The following RINL variants were observed in gnomAD, a reference collection of about 807,000 sequenced individuals.
RINL encodes Ras and Rab interactor like.
A neutral mutation model predicts 58.1 loss-of-function variants in RINL; 39 were observed. That is an observed-to-expected ratio of 0.67 (90% CI 0.52 to 0.88). The LOEUF is 0.88. RINL is among the 40% of genes least tolerant of loss of function. The probability of loss-of-function intolerance (pLI) is 0.00; values close to 1 mark genes in which losing one functional copy is unlikely to be tolerated. For synonymous variants in RINL, 286 were observed against 323.1 expected, an observed-to-expected ratio of 0.89 and a Z score of 1.23; for missense variants, 711 against 749.2, an observed-to-expected ratio of 0.95 and a Z score of 0.60.
rs1371795363 is a variant in RINL, at chr19:38,869,042, C to T, written c.*62G>A. 3 of 1,447,994 alleles carry T rather than the reference C, an allele frequency of 2.1e-6. No individual in the cohort carries two copies. The highest frequency in any genetic ancestry group is 1.3e-5 in the South Asian group (1 of 75,376). The allele number at this position is 1,447,994 out of a possible 1,614,324, so 89.7% of individuals were successfully genotyped here. ...TCTCAAACTCCTGGGCTCAAGCAATCCTCCCACCTTGGCCTCCCAAAATGT... is the reference window on the plus strand; with the variant it reads ...TCTCAAACTCCTGGGCTCAAGCAATTCTCCCACCTTGGCCTCCCAAAATGT... On this transcript the variant is annotated 3_prime_UTR_variant, in exon 12 of 12. Transcript: ENST00000591812. This position sits in a 1 kb window ranked among gnomAD's most constrained non-coding sequence, Gnocchi z 5.7.
chr19:38,875,403 C>T (rs376959419), intron 3 of RINL, among the ~76,000 whole-genome samples: 29 of 151,380 alleles, frequency 1.9e-4, no homozygotes, highest in Admixed American at 9.2e-4. Flanking sequence ...TGGCCGGGGA[C>T]GGTGGTTCAC....
At position 38,870,132 on chromosome 19, in the gene RINL, C is replaced by T; in HGVS notation, c.1153G>A (p.Ala385Thr). 1 of 1,416,090 alleles carries T rather than the reference C, an allele frequency of 7.1e-7. No homozygotes were observed. The highest frequency in any genetic ancestry group is 9.1e-7 in the Non-Finnish European group (1 of 1,095,450). The allele number at this position is 1,416,090 out of a possible 1,614,324, so 87.7% of individuals were successfully genotyped here. Reference sequence around the variant, plus strand: ...TGTGCCCCCGGAGGCCCCGCCCCCGCCCGCAGGGCTGTCTGTCGCCGCCGC... The same window carrying T: ...TGTGCCCCCGGAGGCCCCGCCCCCGTCCGCAGGGCTGTCTGTCGCCGCCGC... Reference protein sequence around the residue: ...RLRRRQTALRAGAGPPGAQGP... With the variant: ...RLRRRQTALRTGAGPPGAQGP... Residue 385 changes from alanine to threonine, a missense_variant, in exon 9 of 12, where the codon GCG becomes ACG. By Grantham distance (58) the Ala-to-Thr change is moderately conservative (BLOSUM62 0). Coordinates refer to ENST00000591812, the MANE Select transcript of RINL (RefSeq NM_001195833.2). This position sits in a 1 kb window ranked among gnomAD's most constrained non-coding sequence, Gnocchi z 5.8.
In RINL at chr19:38,870,202, C is replaced by T; in HGVS notation, c.1083G>A (p.Leu361=). ...CTCGGAGTGTGCGGAGTCGTGTCCA[C>T]AGGGCCGGCTTCAGGGGCGCCAGCA... ...QAVLAPLKPA[L]WTRLRTLRAP... The change falls in exon 9 of 12, where the codon CTG becomes CTA. Residue 361 remains leucine (L), a synonymous_variant. Transcript: ENST00000591812. This position sits in a 1 kb window ranked among gnomAD's most constrained non-coding sequence, Gnocchi z 5.8. 7.2e-7 allele frequency: 1 copy of T among 1,392,884 alleles called. No homozygotes were observed. The highest frequency in any genetic ancestry group is 9.2e-7 in the Non-Finnish European group (1 of 1,082,236). 86.3% of individuals were successfully genotyped at this position (1,392,884 alleles called of 1,614,324 possible). A position where few individuals can be genotyped will look rare whatever the true frequency, so the allele number is the denominator to read the frequency against.
chr19:38,874,088 C>T (rs1408243201), intron 3 of RINL, 100 bp from the exon 4 acceptor site: 3 of 701,182 alleles, frequency 4.3e-6, no homozygotes, highest in Non-Finnish European at 7.3e-6. Context: ...GGTTCCACAC[C>T]CCAAATTTCC....
chr19:38,875,672 T>G (rs1194433111), intron 3 of RINL, among the ~76,000 whole-genome samples: 1 of 102,198 alleles, frequency 9.8e-6, no homozygotes, highest in East Asian at 3.3e-4. Context: ...AGTGAAACTC[T>G]CAAAATTAAA....
At chr19:38,874,641 G>A (rs1321440362) in intron 3 of RINL, among the ~76,000 whole-genome samples, 1 of 151,090 alleles carries the variant, frequency 6.6e-6, no homozygotes, top group Admixed American at 6.6e-5. Flanking sequence ...CTCTGAGCTG[G>A]GAAGGATGAT....
rs1391188023 is a variant in RINL, at chr19:38,870,175, T to C, written c.1110A>G (p.Ala370=). 7.1e-7 allele frequency: 1 copy of C among 1,408,158 alleles called. No individual in the cohort carries two copies. The highest frequency in any genetic ancestry group is 1.5e-5 in the African/African-American group (1 of 65,946). 87.2% of individuals were successfully genotyped at this position (1,408,158 alleles called of 1,614,324 possible). ...ALWTRLRTLR[A]PELRRLRRRQ... ...GCCGCCGCAGCCGCCGCAGCTCCGGTGCTCGGAGTGTGCGGAGTCGTGTCC... is the reference window on the plus strand; with the variant it reads ...GCCGCCGCAGCCGCCGCAGCTCCGGCGCTCGGAGTGTGCGGAGTCGTGTCC... Residue 370 remains alanine (A), a synonymous_variant, in exon 9 of 12, where the codon GCA becomes GCG. Coordinates refer to ENST00000591812, the MANE Select transcript of RINL (RefSeq NM_001195833.2). The surrounding 1 kb of genome is among the most constrained non-coding windows in gnomAD (Gnocchi z 5.8).
chr19:38,871,279 T>G, intron 6 of RINL, 52 bp from the exon 7 acceptor site: 1 of 1,605,320 alleles, frequency 6.2e-7, no homozygotes, highest in Non-Finnish European at 8.5e-7. Flanking sequence ...GGACCAACCC[T>G]GGTCCCCTCA....
At position 38,870,843 on chromosome 19, in the gene RINL, C is replaced by G. The variant is rs1442430742; in HGVS notation, c.751G>C (p.Glu251Gln). 1 of 1,607,900 alleles carries G rather than the reference C, an allele frequency of 6.2e-7. No homozygotes were observed. The highest frequency in any genetic ancestry group is 1.6e-4 in the Middle Eastern group (1 of 6,062). ...GKEEGREDDP[E>Q]EEGPEDVLTI... ...AGCACGTCCTCAGGGCCTTCCTCTT[C>G]AGGGTCGTCCTCCCTTCCTTCCTCC... is the stretch of plus-strand genomic sequence containing the variant. Residue 251 changes from glutamate to glutamine, a missense_variant, in exon 8 of 12, where the codon GAA becomes CAA. Physicochemically the swap from Glu to Gln is conservative, Grantham distance 29. Transcript: ENST00000591812. This position sits in a 1 kb window ranked among gnomAD's most constrained non-coding sequence, Gnocchi z 5.8.
At chr19:38,875,219 T>C (rs1407588195) in intron 3 of RINL, among the ~76,000 whole-genome samples, 8 of 149,102 alleles carry the variant, frequency 5.4e-5, no homozygotes, top group East Asian at 2.0e-4. Context: ...TTTTTCTTTT[T>C]TTTTTTTTTT....
At chr19:38,877,438 CA>C (rs1015879380) in intron 1 of RINL, among the ~76,000 whole-genome samples, 20 of 152,328 alleles carry the variant, frequency 1.3e-4, no homozygotes, top group African/African-American at 4.8e-4. Context: ...CCAGAGTAGG[CA>C]GTCCCTATAT....
Position 38,870,395 on chromosome 19 carries a change from G to T in RINL, c.1025-135C>A. 9.7e-7 allele frequency: 1 copy of T among 1,025,962 alleles called. No individual in the cohort carries two copies. Among genetic ancestry groups the T allele is most frequent in the Non-Finnish European group, 1.4e-6 (1 of 732,026 alleles). The allele number at this position is 1,025,962 out of a possible 1,614,324, so 63.6% of individuals were successfully genotyped here. A position where few individuals can be genotyped will look rare whatever the true frequency, so the allele number is the denominator to read the frequency against. On this transcript the variant is annotated intron_variant, in intron 8 of 11. Transcript: ENST00000591812. The surrounding 1 kb of genome is among the most constrained non-coding windows in gnomAD (Gnocchi z 5.8). ...CCCCCGTGAGTGTAGACATGGTTGTGAACATGTGTGGAAGAGTTAGCCTGG... is the reference window on the plus strand; with the variant it reads ...CCCCCGTGAGTGTAGACATGGTTGTTAACATGTGTGGAAGAGTTAGCCTGG...
Position 38,868,810 on chromosome 19 carries a change from T to C in RINL, c.*294A>G. ...ATCCTGCTTCTCGGAATGCTCTTCC[T>C]AATACCCACTCTGCTCCTCCCTTCC... On this transcript the variant is annotated 3_prime_UTR_variant, in exon 12 of 12. Transcript: ENST00000591812. The C allele has an allele frequency of 3.0e-6, 1 of 337,778 alleles. No homozygotes were observed. 20.9% of individuals were successfully genotyped at this position (337,778 alleles called of 1,614,324 possible).
chr19:38,872,215 G>A (rs1285286954), intron 4 of RINL, among the ~76,000 whole-genome samples: 1 of 152,214 alleles, frequency 6.6e-6, no homozygotes, highest in Non-Finnish European at 1.5e-5. Context: ...TCAGGGTACG[G>A]TGGCTCACGC....
rs1163412790 is a variant in RINL, at chr19:38,867,948, T to C, written c.*1156A>G. On this transcript the variant is annotated 3_prime_UTR_variant, in exon 12 of 12. Transcript: ENST00000591812. The stretch of plus-strand genomic sequence containing the variant: ...GTTAACTTCACTTGTTTCTTTTTAT[T>C]TATTTATTTATTTTTGAGATGGTGT... The C allele has an allele frequency of 6.6e-6, 1 of 152,162 alleles. No homozygotes were observed. The highest frequency in any genetic ancestry group is 1.5e-5 in the Non-Finnish European group (1 of 68,036). 9.4% of individuals were successfully genotyped at this position (152,162 alleles called of 1,614,324 possible).
In RINL at chr19:38,869,142, A is replaced by C; in HGVS notation, c.1663T>G (p.Trp555Gly). Residue 555 changes from tryptophan (W) to glycine (G), a missense_variant, in exon 12 of 12, where the codon TGG (tryptophan) becomes GGG (glycine). Physicochemically the swap from Trp to Gly is radical, Grantham distance 184 (BLOSUM62 -2). Transcript: ENST00000591812. The surrounding 1 kb of genome is among the most constrained non-coding windows in gnomAD (Gnocchi z 5.7). ...GTCCCTGTCACAGTCTCTTCTGCCCATGGCTCCTTAAAGGGCAGGTTGGCC... is the reference window on the plus strand; with the variant it reads ...GTCCCTGTCACAGTCTCTTCTGCCCCTGGCTCCTTAAAGGGCAGGTTGGCC... ...AQANLPFKEPWAEETVTGTSD... is the reference protein window; with the variant it reads ...AQANLPFKEPGAEETVTGTSD... 7 of 1,613,610 alleles carry C rather than the reference A, an allele frequency of 4.3e-6. No homozygotes were observed. Among genetic ancestry groups the C allele is most frequent in the Non-Finnish European group, 5.9e-6 (7 of 1,179,698 alleles).
intron 3 of RINL, among the ~76,000 whole-genome samples, chr19:38,874,407 G>A (rs1403967018): frequency 6.6e-6 from 1 of 152,088 alleles, no homozygotes; most frequent in Non-Finnish European, 1.5e-5. Flanking sequence ...CAAGTAGCTG[G>A]GATTACGGGC....
Position 38,876,323 on chromosome 19 carries a change from G to A in RINL, c.210+8C>T. The A allele has an allele frequency of 6.5e-7, 1 of 1,535,434 alleles. No individual in the cohort carries two copies. The highest frequency in any genetic ancestry group is 8.7e-7 in the Non-Finnish European group (1 of 1,146,448). ...TGTCAGGATGGGCCCCCAGCTGTGA[G>A]TACTCACCCCTAGTGGCCACAGCCC... On this transcript the variant is annotated splice_region_variant and intron_variant, in intron 3 of 11. Coordinates refer to ENST00000591812, the MANE Select transcript of RINL (RefSeq NM_001195833.2).
chr19:38,874,385 G>T (rs576967312), intron 3 of RINL, among the ~76,000 whole-genome samples: 1 of 152,178 alleles, frequency 6.6e-6, no homozygotes, highest in South Asian at 2.1e-4. Flanking sequence ...CGATTCTCCT[G>T]CCTCAGCCTC....
Sources: allele counts gnomAD v4.1 joint callset (sites outside exome capture counted in the v4.1 genomes callset), GRCh38; gene constraint gnomAD v4.1.1; non-coding constraint Gnocchi (gnomAD v3.1); transcripts MANE v1.5; gene names NCBI Gene and HGNC (gene_info 2026-07-23, HGNC 2026-07-21).